MYO15B: variants seen among roughly 807,000 people sequenced by gnomAD.
MYO15B encodes the protein myosin XVB, also known as myosin XVB pseudogene.
In MYO15B, 207 loss-of-function variants were observed where a neutral mutation model predicts 119.3. The ratio of observed to expected loss-of-function variants is 1.73; its 90% CI spans 1.55 to 1.95. The LOEUF is 1.95. MYO15B is among the 30% of genes most tolerant of loss of function. The probability of loss-of-function intolerance (pLI) is 0.00; values close to 1 mark genes in which losing one functional copy is unlikely to be tolerated. For synonymous variants in MYO15B, 966 were observed against 498.9 expected (o/e 1.94, Z -12.48); for missense variants, 2,264 against 1,203.1 (o/e 1.88, Z -13.04).
exon 55 of MYO15B, chr17:75,623,953 C>T (rs531417341): frequency 1.1e-4 from 80 of 703,000 alleles, no homozygotes; most frequent in African/African-American, 1.1e-3. Context: ...CTGCAGGGAA[C>T]ACTGCACTCG....
chr17:75,625,424 T>G, intron 60 of MYO15B, 103 bp from the exon 61 acceptor site: 1 of 669,422 alleles, frequency 1.5e-6, no homozygotes, highest in Non-Finnish European at 2.7e-6. Flanking sequence ...TGTATGGATG[T>G]CTAGTCTTGC....
At chr17:75,597,181 C>T (rs2056920203) in intron 14 of MYO15B, among the ~76,000 whole-genome samples, 2 of 152,180 alleles carry the variant, frequency 1.3e-5, no homozygotes, top group Non-Finnish European at 1.5e-5. Context: ...CAGTAGTGCC[C>T]GATGGGCAAG....
chr17:75,615,447 C>T (rs1439354295), intron 34 of MYO15B, 56 bp from the exon 35 acceptor site: 13 of 672,652 alleles, frequency 1.9e-5, no homozygotes, highest in Admixed American at 8.3e-5. Context: ...CAGTGGGCAG[C>T]GAGCTTCAAG....
chr17:75,601,530 C>T (rs544242620), exon 15 of MYO15B: 30 of 703,150 alleles, frequency 4.3e-5, no homozygotes, highest in Admixed American at 2.8e-4. Context: ...CCGTGTTCAC[C>T]GTGCGACATT....
Position 75,589,202 on chromosome 17 carries a change from G to GGCGGCTGCGGCTGCGGCT in MYO15B, c.1162_1163insTGCGGCTGCGGCTGCGGC (p.Arg387_Arg388insLeuArgLeuArgLeuArg). ...CTGGGCCTCCTGCGCTGGCTGCGGC[G>GGCGGCTGCGGCTGCGGCT]GCGGCTGCGGCTGCGGCGGCGGCCG... On this transcript the variant is annotated inframe_insertion, in exon 1 of 64. Coordinates refer to ENST00000645453, the Ensembl canonical transcript of MYO15B. This position sits in a 1 kb window ranked among gnomAD's most constrained non-coding sequence, Gnocchi z 4.2. 1 of 330,252 alleles carries GGCGGCTGCGGCTGCGGCT rather than the reference G, an allele frequency of 3.0e-6. No homozygotes were observed. Among genetic ancestry groups the GGCGGCTGCGGCTGCGGCT allele is most frequent in the Non-Finnish European group, 5.3e-6 (1 of 189,918 alleles). The allele number at this position is 330,252 out of a possible 1,614,324, so 20.5% of individuals were successfully genotyped here.
At chr17:75,600,219 G>A (rs2057167666) in intron 14 of MYO15B, among the ~76,000 whole-genome samples, 1 of 151,790 alleles carries the variant, frequency 6.6e-6, no homozygotes, top group African/African-American at 2.4e-5. Flanking sequence ...AGTAAAGACG[G>A]GGTTTCACCA....
In MYO15B at chr17:75,624,643, A is replaced by C. The variant is rs779789387; in HGVS notation, c.8542+4A>C. ...CTCTTCCTCATCAAAGAGAAGAGTA[A>C]GCTTGGGGACGGAGCCTCACGGTGG... On this transcript the variant is annotated splice_donor_region_variant and intron_variant, in intron 58 of 63. Transcript: ENST00000645453. 6 of 702,792 alleles carry C rather than the reference A, an allele frequency of 8.5e-6. No homozygotes were observed. The African/African-American group carries it at 1.0e-4, about 12-fold the overall frequency. 43.5% of individuals were successfully genotyped at this position (702,792 alleles called of 1,614,324 possible). A position where few individuals can be genotyped will look rare whatever the true frequency, so the allele number is the denominator to read the frequency against.
chr17:75,621,861 A>G (rs1289103745), intron 52 of MYO15B, 143 bp from the exon 53 acceptor site: 33 of 624,228 alleles, frequency 5.3e-5, no homozygotes, highest in Non-Finnish European at 2.9e-6. Flanking sequence ...GTCGAGCTGC[A>G]ACCAGCTGCC....
Position 75,594,983 on chromosome 17 carries a change from G to A in MYO15B, c.3297+11G>A, listed in dbSNP as rs2056757205. 1 of 702,804 alleles carries A rather than the reference G, an allele frequency of 1.4e-6. No individual in the cohort carries two copies. Among genetic ancestry groups the A allele is most frequent in the Non-Finnish European group, 2.6e-6 (1 of 384,852 alleles). 43.5% of individuals were successfully genotyped at this position (702,804 alleles called of 1,614,324 possible). ...GCCTACGGCTTTGAGGTCACCCCTTGGGGTGGGGCCCAGGAAAGGGGGCAC... is the reference window on the plus strand; with the variant it reads ...GCCTACGGCTTTGAGGTCACCCCTTAGGGTGGGGCCCAGGAAAGGGGGCAC... On this transcript the variant is annotated intron_variant, in intron 12 of 63. Coordinates refer to ENST00000645453, the Ensembl canonical transcript of MYO15B.
At chr17:75,614,105 C>T (rs1290590403) in intron 29 of MYO15B, 94 bp from the exon 30 acceptor site, 1 of 650,794 alleles carries the variant, frequency 1.5e-6, no homozygotes, top group Non-Finnish European at 2.8e-6. Flanking sequence ...GGCCACCCTC[C>T]CTTCCTCAGC....
chr17:75,621,335 C>A lies in MYO15B; in HGVS notation c.7872-10C>A, dbSNP rs759166162. ...AAACAAGCTGGGCTGTCTCCCTCTG[C>A]CCCCCACAGGCTGGGCCAGACTGAT... On this transcript the variant is annotated splice_polypyrimidine_tract_variant and intron_variant, in intron 50 of 63. Coordinates refer to ENST00000645453, the Ensembl canonical transcript of MYO15B. 45 of 695,210 alleles carry A rather than the reference C, an allele frequency of 6.5e-5. No homozygotes were observed. Among genetic ancestry groups the A allele is most frequent in the African/African-American group, 6.3e-4 (36 of 57,114 alleles). The allele number at this position is 695,210 out of a possible 1,614,324, so 43.1% of individuals were successfully genotyped here.
chr17:75,613,667 G>T, intron 28 of MYO15B, 38 bp from the exon 29 acceptor site: 1 of 699,370 alleles, frequency 1.4e-6, no homozygotes, highest in Non-Finnish European at 2.6e-6. Context: ...GGACTCTGCT[G>T]TCCCTCACTC....
intron 21 of MYO15B, among the ~76,000 whole-genome samples, chr17:75,606,701 G>A (rs1011059563): frequency 5.3e-5 from 8 of 151,826 alleles, no homozygotes; most frequent in Non-Finnish European, 8.8e-5. Context: ...TCGAACTCCC[G>A]ACCTCAGGTG....
At chr17:75,590,915 G>T (rs915849406) in exon 3 of MYO15B, 1 of 488,430 alleles carries the variant, frequency 2.0e-6, no homozygotes. Flanking sequence ...AGACCTTTGG[G>T]GGGCCTGTCT....
intron 12 of MYO15B, 168 bp downstream of exon 12, chr17:75,595,140 G>A: frequency 1.6e-6 from 1 of 611,688 alleles, no homozygotes; most frequent in East Asian, 2.7e-5. Flanking sequence ...GCCTGCTGGG[G>A]TGGGGTGCAG....
intron 32 of MYO15B, 42 bp downstream of exon 32, chr17:75,614,891 C>G (rs2058270127): frequency 1.4e-6 from 1 of 702,910 alleles, no homozygotes. Context: ...CCCCAACCCC[C>G]CGGGGCCTCT....
rs1647868441 is a variant in MYO15B at position 75,618,301 on chromosome 17, T to C, written c.6987+116T>C. 1.2e-5 allele frequency: 8 copies of C among 660,762 alleles called. No homozygotes were observed. In the Admixed American group the frequency reaches 1.3e-4, roughly 10 times the overall value. The allele number at this position is 660,762 out of a possible 1,614,324, so 40.9% of individuals were successfully genotyped here. On this transcript the variant is annotated intron_variant, in intron 43 of 63. Transcript: ENST00000645453. Reference sequence around the variant, plus strand: ...CGTAGGGCATGTTGGCAGCCAGCACTGGGGGGCACTTCTGTGTGCCCAGAC... The same window carrying C: ...CGTAGGGCATGTTGGCAGCCAGCACCGGGGGGCACTTCTGTGTGCCCAGAC...
chr17:75,621,357 T>C (rs748200467), exon 51 of MYO15B: 9 of 701,022 alleles, frequency 1.3e-5, no homozygotes, highest in Non-Finnish European at 1.8e-5. Context: ...TGGGCCAGAC[T>C]GATGGAGGTG....
chr17:75,619,039 C>T (rs2058545926), intron 43 of MYO15B, 104 bp from the exon 44 acceptor site: 2 of 676,944 alleles, frequency 3.0e-6, no homozygotes, highest in South Asian at 3.2e-5. Context: ...GGCCAGGGCG[C>T]CCTCCATCGG....
Sources: gnomAD v4.1 joint callset for allele counts (sites outside exome capture counted in the v4.1 genomes callset) on GRCh38, gnomAD v4.1.1 for gene constraint, Gnocchi (gnomAD v3.1) non-coding constraint, MANE v1.5 for transcripts, NCBI Gene and HGNC (gene_info 2026-07-23, HGNC 2026-07-21) for gene names.